The following FOXN3 variants were observed in gnomAD, a reference collection of about 807,000 sequenced individuals.
The protein encoded by FOXN3 is forkhead box N3.
In FOXN3, 7 loss-of-function variants were observed where a neutral mutation model predicts 38.4. That is an observed-to-expected ratio of 0.18 (90% CI 0.10 to 0.34). FOXN3 has a LOEUF of 0.34. Among genes scored for constraint, FOXN3 ranks in the 10% least tolerant of loss-of-function variants. The pLI is 1.00. For synonymous variants in FOXN3, 230 were observed against 242.2 expected (o/e 0.95, Z 0.47); for missense variants, 456 against 613.4 (o/e 0.74, Z 2.71).
intron 3 of FOXN3, among the ~76,000 whole-genome samples, chr14:89,281,848 G>A (rs1247183268): frequency 2.0e-5 from 3 of 152,096 alleles, no homozygotes; most frequent in African/African-American, 7.2e-5. Flanking sequence ...CAGCCCAAGA[G>A]GCAGTATAAA....
At chr14:89,607,143 G>A (rs534930618) in intron 1 of FOXN3, among the ~76,000 whole-genome samples, 52 of 152,346 alleles carry the variant, frequency 3.4e-4, no homozygotes, top group African/African-American at 1.2e-3. Context: ...TGGTGAGGGT[G>A]TTAACTGGTA....
intron 3 of FOXN3, among the ~76,000 whole-genome samples, chr14:89,339,511 T>C (rs1888555415): frequency 6.6e-6 from 1 of 152,148 alleles, no homozygotes; most frequent in African/African-American, 2.4e-5. Context: ...GGCAAGCGTG[T>C]GGTTCTCTCG....
At chr14:89,557,710 G>A (rs558796018) in intron 1 of FOXN3, among the ~76,000 whole-genome samples, 2 of 152,126 alleles carry the variant, frequency 1.3e-5, no homozygotes, top group Admixed American at 1.3e-4. Context: ...TGTTATGCAA[G>A]AATGAGGTAC....
chr14:89,503,573 G>T (rs919991078), intron 1 of FOXN3, among the ~76,000 whole-genome samples: 6 of 152,206 alleles, frequency 3.9e-5, no homozygotes, highest in African/African-American at 1.4e-4. Context: ...AAATGAGAAT[G>T]CTTCCAATTC....
chr14:89,460,642 TATCAATCAATCA>T (rs34440394), intron 1 of FOXN3, among the ~76,000 whole-genome samples: 1 of 151,764 alleles, frequency 6.6e-6, no homozygotes, highest in Non-Finnish European at 1.5e-5. Context: ...TAAGTAGAGT[TATCAATCAATCA>T]ATCAATCAAT....
chr14:89,195,268 C>T (rs1888067741), intron 4 of FOXN3, among the ~76,000 whole-genome samples: 1 of 152,114 alleles, frequency 6.6e-6, no homozygotes, highest in South Asian at 2.1e-4. Context: ...GGACACAGTG[C>T]TGCCCCACTC....
rs962355857 is a variant in FOXN3, at chr14:89,550,866, G to T, written c.-15+68162C>A. ...TCATCCAAAACACAATGCAATCATT[G>T]TAAGACGGAGAGAGCGAGAGACTCT... On this transcript the variant is annotated intron_variant, in intron 1 of 6. Transcript: ENST00000345097. Among the ~76,000 whole-genome samples the T allele has an allele frequency of 2.6e-4, 39 of 152,172 alleles. 1 individual carries two copies. Among genetic ancestry groups the T allele is most frequent in the Non-Finnish European group, 5.1e-4 (35 of 68,028 alleles).
chr14:89,575,364 C>T (rs926090523), intron 1 of FOXN3, among the ~76,000 whole-genome samples: 3 of 151,882 alleles, frequency 2.0e-5, no homozygotes, highest in Admixed American at 1.3e-4. Context: ...ATTGGGAGGT[C>T]GTTTTGGGTC....
Position 89,308,082 on chromosome 14 carries a change from T to C in FOXN3, c.681-27068A>G, listed in dbSNP as rs554514952. On this transcript the variant is annotated intron_variant, in intron 3 of 5. Coordinates refer to ENST00000557258, the MANE Select transcript of FOXN3 (RefSeq NM_005197.4). ...GAGTTCAAGACCAGCCTGGGCAACA[T>C]GGTGAAACCCTGTCTCTACCAAAAA... Among the ~76,000 whole-genome samples, 7 of 152,232 alleles carry C rather than the reference T, an allele frequency of 4.6e-5. No homozygotes were observed. The East Asian group carries it at 1.4e-3, about 29-fold the overall frequency.
intron 1 of FOXN3, among the ~76,000 whole-genome samples, chr14:89,414,885 G>T (rs927344865): frequency 7.2e-5 from 11 of 152,166 alleles, no homozygotes; most frequent in African/African-American, 2.7e-4. Flanking sequence ...AAAACTTCAT[G>T]AGGCATTGCA....
chr14:89,248,624 C>T (rs1261250632), intron 4 of FOXN3, among the ~76,000 whole-genome samples: 1 of 152,190 alleles, frequency 6.6e-6, no homozygotes, highest in Non-Finnish European at 1.5e-5. Flanking sequence ...TGCTGTGCTA[C>T]GTGAGGCAGT....
chr14:89,191,948 GTA>G (rs566312671), intron 4 of FOXN3, among the ~76,000 whole-genome samples: 6 of 117,942 alleles, frequency 5.1e-5, no homozygotes, highest in Admixed American at 7.9e-5. Context: ...ACTGATATTA[GTA>G]TATATATATA....
rs531802366 is a variant in FOXN3, at chr14:89,186,858, C to G, written c.746-6052G>C. ...AGAGGTGGAGGGACCCCTAGGGACT[C>G]CAGCCCAAGCAAGACATGGTGTGCT... On this transcript the variant is annotated intron_variant, in intron 4 of 5. Transcript: ENST00000557258. Among the ~76,000 whole-genome samples, 5 of 152,280 alleles carry G rather than the reference C, an allele frequency of 3.3e-5. No homozygotes were observed. The South Asian group carries it at 8.3e-4, about 25-fold the overall frequency.
chr14:89,430,460 A>C (rs551865167), intron 1 of FOXN3, among the ~76,000 whole-genome samples: 1 of 152,352 alleles, frequency 6.6e-6, no homozygotes, highest in East Asian at 1.9e-4. Flanking sequence ...ACATTGCTGC[A>C]GACTACTTTC....
At chr14:89,524,622 G>C (rs1355488500) in intron 1 of FOXN3, among the ~76,000 whole-genome samples, 1 of 151,692 alleles carries the variant, frequency 6.6e-6, no homozygotes, top group Non-Finnish European at 1.5e-5. Flanking sequence ...AAAGAAAGGT[G>C]ATGTCATCAC....
At chr14:89,415,803 T>C (rs1007347302) in intron 1 of FOXN3, among the ~76,000 whole-genome samples, 2 of 136,362 alleles carry the variant, frequency 1.5e-5, no homozygotes, top group African/African-American at 5.3e-5. Context: ...CTCCACCAGA[T>C]ACGCAAATAG....
chr14:89,161,574 TGTGTGTGTGTGTGTGTGTGTGTGC>T lies in FOXN3; in HGVS notation c.*816_*839del, dbSNP rs1301110986. The T allele has an allele frequency of 6.9e-6, 1 of 145,010 alleles. No individual in the cohort carries two copies. Among genetic ancestry groups the T allele is most frequent in the African/African-American group, 2.5e-5 (1 of 40,102 alleles). The allele number at this position is 145,010 out of a possible 1,614,324, so 9.0% of individuals were successfully genotyped here. A position where few individuals can be genotyped will look rare whatever the true frequency, so the allele number is the denominator to read the frequency against. ...TCTCCTTCGTGTGTGTGTGTGTGTG[TGTGTGTGTGTGTGTGTGTGTGTGC>T]GTGCGTGCACAGGGCCAATCTTCAG... is the stretch of plus-strand genomic sequence containing the variant. On this transcript the variant is annotated 3_prime_UTR_variant, in exon 6 of 6. Transcript: ENST00000557258.
chr14:89,571,620 C>T (rs1049499355), intron 1 of FOXN3, among the ~76,000 whole-genome samples: 3 of 152,060 alleles, frequency 2.0e-5, no homozygotes, highest in Admixed American at 6.5e-5. Context: ...TGTACCACAC[C>T]ACCTCTGTTG....
In FOXN3 at chr14:89,177,009, C is replaced by CT. The variant is rs34575638; in HGVS notation, c.851+3691dup. Among the ~76,000 whole-genome samples, 428 of 114,134 alleles carry CT rather than the reference C, an allele frequency of 3.7e-3. 1 individual carries two copies. The highest frequency in any genetic ancestry group is 0.013 in the East Asian group (51 of 4,066). The allele number at this position is 114,134 out of a possible 152,430, so 74.9% of individuals were successfully genotyped here. A position where few individuals can be genotyped will look rare whatever the true frequency, so the allele number is the denominator to read the frequency against. On this transcript the variant is annotated intron_variant, in intron 5 of 5. Transcript: ENST00000557258. Reference sequence around the variant, plus strand: ...TGGTTATCTCTCTCTCTCTTTCTTTCTTTTTTTTTTTTTTTTTTTTTGACA... The same window carrying CT: ...TGGTTATCTCTCTCTCTCTTTCTTTCTTTTTTTTTTTTTTTTTTTTTTGACA...
Sources: allele counts gnomAD v4.1 joint callset (sites outside exome capture counted in the v4.1 genomes callset), GRCh38; gene constraint gnomAD v4.1.1; transcripts MANE v1.5; gene names NCBI Gene and HGNC (gene_info 2026-07-23, HGNC 2026-07-21).